Variants in INSL6 observed in about 807,000 individuals in gnomAD.
INSL6 encodes insulin like 6.
INSL6 carries 16 observed loss-of-function variants against 9.4 expected under a neutral mutation model. The ratio of observed to expected loss-of-function variants is 1.70; its 90% CI spans 1.15 to 2.59. INSL6 has a LOEUF of 2.59. Among genes scored for constraint, INSL6 ranks in the 30% most tolerant of loss-of-function variants. The probability of loss-of-function intolerance (pLI) is 0.00; values close to 1 mark genes in which losing one functional copy is unlikely to be tolerated. For synonymous variants in INSL6, 154 were observed against 96.9 expected (o/e 1.59, Z -3.46); for missense variants, 391 against 257.3 (o/e 1.52, Z -3.56).
chr9:5,148,679 C>T (rs1824649942), intron 2 of INSL6, among the ~76,000 whole-genome samples: 1 of 152,128 alleles, frequency 6.6e-6, no homozygotes, highest in Non-Finnish European at 1.5e-5. Flanking sequence ...TTCAAGTGTC[C>T]AGCAGTTCCT....
downstream of INSL6, among the ~76,000 whole-genome samples, chr9:5,163,671 T>C (rs907893685): frequency 1.3e-5 from 2 of 152,130 alleles, no homozygotes; most frequent in African/African-American, 4.8e-5. Context: ...AGGTAACTCT[T>C]AGATGTCTGC....
chr9:5,013,375 TA>T, the INSL6 span, among the ~76,000 whole-genome samples: 2 of 152,220 alleles, frequency 1.3e-5, no homozygotes, highest in African/African-American at 4.8e-5. Context: ...CTAAAGAAAG[TA>T]AATCAAAATG....
the INSL6 span, among the ~76,000 whole-genome samples, chr9:5,084,213 T>C: frequency 6.6e-6 from 1 of 152,156 alleles, no homozygotes; most frequent in African/African-American, 2.4e-5. Flanking sequence ...GAAAGGTAAA[T>C]GGTGTAATCA....
intron 1 of INSL6, among the ~76,000 whole-genome samples, chr9:5,177,399 C>A (rs1339635284): frequency 1.3e-5 from 2 of 152,194 alleles, no homozygotes; most frequent in Non-Finnish European, 2.9e-5. Context: ...CATCTTTGAT[C>A]CCAGATCTTT....
intron 3 of INSL6, chr9:5,126,356 T>C (rs759139459): frequency 6.2e-7 from 1 of 1,608,554 alleles, no homozygotes; most frequent in Admixed American, 1.7e-5. Context: ...TGATTGGCAA[T>C]GACAAACAAG....
rs10974970 is a variant in INSL6 at position 5,125,546 on chromosome 9, A to G, written c.*11-1035T>C. Among the ~76,000 whole-genome samples the G allele has an allele frequency of 7.5e-3, 1,140 of 151,632 alleles. 47 individuals are homozygous for G. The highest frequency in any genetic ancestry group is 0.046 in the Admixed American group (704 of 15,216). The stretch of plus-strand genomic sequence containing the variant: ...TAGAATAAAAGTATAAGTAAAAGTT[A>G]TGAACTATTTTAAAATTTTTTTAAT... On this transcript the variant is annotated intron_variant, in intron 3 of 3. Coordinates refer to the INSL6 transcript ENST00000649639.
intron 2 of INSL6, among the ~76,000 whole-genome samples, chr9:5,135,254 C>T (rs1302099222): frequency 2.0e-5 from 3 of 152,144 alleles, no homozygotes; most frequent in South Asian, 4.2e-4. Flanking sequence ...TAACACCCCA[C>T]TGTCAATATT....
chr9:5,055,742 A>T, the INSL6 span: 1 of 1,610,994 alleles, frequency 6.2e-7, no homozygotes, highest in Non-Finnish European at 8.5e-7. Context: ...GAGGGTTCAA[A>T]TGAAAGCCGA....
chr9:5,164,529 G>GTGT (rs965349018), intron 1 of INSL6, among the ~76,000 whole-genome samples: 6 of 152,174 alleles, frequency 3.9e-5, no homozygotes, highest in Admixed American at 3.9e-4. Context: ...TCATTTTAAA[G>GTGT]AATACAATTC....
the INSL6 span, chr9:5,069,349 G>A: frequency 1.3e-5 from 7 of 556,894 alleles, no homozygotes; most frequent in Middle Eastern, 4.8e-4. Context: ...TATTGTACAA[G>A]CATCATCAAA....
chr9:5,063,198 C>T, the INSL6 span, among the ~76,000 whole-genome samples: 1 of 152,022 alleles, frequency 6.6e-6, no homozygotes, highest in Non-Finnish European at 1.5e-5. Flanking sequence ...ATCACATTTT[C>T]GTTCTTATAT....
the INSL6 span, among the ~76,000 whole-genome samples, chr9:5,036,770 C>T: frequency 6.6e-6 from 1 of 152,128 alleles, no homozygotes; most frequent in Non-Finnish European, 1.5e-5. Context: ...TAGAAGAAAA[C>T]CTAGGCAATA....
chr9:5,048,351 C>T, the INSL6 span, among the ~76,000 whole-genome samples: 2 of 152,084 alleles, frequency 1.3e-5, no homozygotes, highest in Non-Finnish European at 2.9e-5. Context: ...CTATGTTGGC[C>T]AGGCTGGTCT....
the INSL6 span, chr9:5,100,955 C>G: frequency 6.6e-6 from 1 of 152,384 alleles, no homozygotes; most frequent in East Asian, 1.9e-4. Context: ...CTGCAGCTCC[C>G]AGCATGATCG....
chr9:5,038,355 TA>T, the INSL6 span, among the ~76,000 whole-genome samples: 7 of 152,110 alleles, frequency 4.6e-5, no homozygotes, highest in African/African-American at 1.7e-4. Flanking sequence ...TATCACACAT[TA>T]AAAAAATTAT....
chr9:5,114,189 A>G, the INSL6 span: 1 of 458,736 alleles, frequency 2.2e-6, no homozygotes, highest in South Asian at 1.9e-5. Context: ...GCAAGGGGTG[A>G]GCACCTACCT....
At chr9:5,110,514 A>C in the INSL6 span, 1 of 155,914 alleles carries the variant, frequency 6.4e-6, no homozygotes, top group Non-Finnish European at 1.4e-5. Flanking sequence ...CCACAATCTC[A>C]ATGATGAACA....
At chr9:5,063,991 A>C in the INSL6 span, among the ~76,000 whole-genome samples, 1 of 152,042 alleles carries the variant, frequency 6.6e-6, no homozygotes, top group Non-Finnish European at 1.5e-5. Context: ...CTCTGTCTCT[A>C]CTAAAAATAC....
chr9:5,151,755 C>A (rs1215630680), intron 2 of INSL6, among the ~76,000 whole-genome samples: 1 of 151,920 alleles, frequency 6.6e-6, no homozygotes, highest in Non-Finnish European at 1.5e-5. Context: ...AGATGGAACA[C>A]ATAAAAAAGC....
Sources: allele counts gnomAD v4.1 joint callset (sites outside exome capture counted in the v4.1 genomes callset), GRCh38; gene constraint gnomAD v4.1.1; transcripts MANE v1.5; gene names NCBI Gene and HGNC (gene_info 2026-07-23, HGNC 2026-07-21).